The following LINC00237 variants were observed in gnomAD, a reference collection of about 807,000 sequenced individuals.
The protein encoded by LINC00237 is long intergenic non-protein coding RNA 237.
At chr20:21,091,969 G>A (rs2030799297) in intron 2 of LINC00237, among the ~76,000 whole-genome samples, 1 of 152,070 alleles carries the variant, frequency 6.6e-6, no homozygotes, top group Non-Finnish European at 1.5e-5. Context: ...TGAGAGAGGA[G>A]TTTTGTAAAG....
chr20:21,102,067 G>A (rs1333811667), intron 1 of LINC00237, among the ~76,000 whole-genome samples: 1 of 152,256 alleles, frequency 6.6e-6, no homozygotes, highest in Non-Finnish European at 1.5e-5. Flanking sequence ...CCCAGGCCTG[G>A]AGGGCAGTGC....
intron 1 of LINC00237, among the ~76,000 whole-genome samples, chr20:21,104,623 C>A (rs916719076): frequency 6.6e-6 from 1 of 152,230 alleles, no homozygotes; most frequent in Non-Finnish European, 1.5e-5. Flanking sequence ...TGCCCCCCAC[C>A]CTCCAACCCC....
chr20:21,100,276 G>C (rs1310618137), intron 1 of LINC00237, among the ~76,000 whole-genome samples: 2 of 152,222 alleles, frequency 1.3e-5, no homozygotes, highest in Non-Finnish European at 2.9e-5. Context: ...CTGTTGGTTT[G>C]ACTGTACACC....
At position 21,101,267 on chromosome 20, in the gene LINC00237, G is replaced by A. The variant is rs984893408; in HGVS notation, n.88+5004C>T. 6.6e-6 allele frequency: 1 copy of A among 152,230 alleles called. No individual in the cohort carries two copies. Among genetic ancestry groups the A allele is most frequent in the Non-Finnish European group, 1.5e-5 (1 of 68,088 alleles). 9.4% of individuals were successfully genotyped at this position (152,230 alleles called of 1,614,324 possible). A position where few individuals can be genotyped will look rare whatever the true frequency, so the allele number is the denominator to read the frequency against. ...GCGGCGACGTACAGGGAGCGCGAGC[G>A]AGGGAGGGAGCGCCGGCGAGGGAGG... On this transcript the variant is annotated intron_variant and non_coding_transcript_variant, in intron 1 of 3. Coordinates refer to ENST00000691244, the Ensembl canonical transcript of LINC00237. This position sits in a 1 kb window ranked among gnomAD's most constrained non-coding sequence, Gnocchi z 4.3.
intron 1 of LINC00237, among the ~76,000 whole-genome samples, chr20:21,096,001 C>T (rs997627464): frequency 3.9e-5 from 6 of 152,202 alleles, no homozygotes; most frequent in African/African-American, 1.4e-4. Context: ...CAATGGTAAC[C>T]TGCTTTATAA....
intron 2 of LINC00237, among the ~76,000 whole-genome samples, chr20:21,090,911 T>C (rs2030783349): frequency 6.6e-6 from 1 of 152,130 alleles, no homozygotes; most frequent in Non-Finnish European, 1.5e-5. Flanking sequence ...CCGCCAATTA[T>C]GTGTTATCCG....
chr20:21,088,784 A>C (rs1406013550), intron 2 of LINC00237, among the ~76,000 whole-genome samples: 1 of 152,182 alleles, frequency 6.6e-6, no homozygotes, highest in African/African-American at 2.4e-5. Flanking sequence ...TTACAATGTT[A>C]ATAAAATAGA....
intron 1 of LINC00237, among the ~76,000 whole-genome samples, chr20:21,096,626 C>T (rs2030861894): frequency 6.6e-6 from 1 of 152,152 alleles, no homozygotes; most frequent in Non-Finnish European, 1.5e-5. Context: ...GAACTATAAG[C>T]CTTTCTGCAC....
Position 21,086,671 on chromosome 20 carries a change from A to ATG in LINC00237, n.560-784_560-783insCA, listed in dbSNP as rs1568883463. ...ATACTATATATGTATAGTATACTAT[A>ATG]TATAGTATACTACATATACATATGT... On this transcript the variant is annotated intron_variant and non_coding_transcript_variant, in intron 3 of 3. Transcript: ENST00000691244. Among the ~76,000 whole-genome samples the ATG allele has an allele frequency of 5.1e-3, 33 of 6,484 alleles. 2 individuals carry two copies. Among genetic ancestry groups the ATG allele is most frequent in the Admixed American group, 0.021 (7 of 334 alleles). 4.3% of individuals were successfully genotyped at this position (6,484 alleles called of 152,430 possible).
At chr20:21,090,751 T>G (rs2030781086) in intron 2 of LINC00237, among the ~76,000 whole-genome samples, 1 of 152,142 alleles carries the variant, frequency 6.6e-6, no homozygotes, top group Non-Finnish European at 1.5e-5. Context: ...CTCCCTGCTC[T>G]CCATGACTGC....
At chr20:21,100,320 G>T (rs556749980) in intron 1 of LINC00237, among the ~76,000 whole-genome samples, 2 of 152,214 alleles carry the variant, frequency 1.3e-5, no homozygotes, top group African/African-American at 4.8e-5. Context: ...CACGAGCCGG[G>T]ACCAGTAATG....
chr20:21,090,971 A>G (rs964146117), intron 2 of LINC00237, among the ~76,000 whole-genome samples: 2 of 152,040 alleles, frequency 1.3e-5, no homozygotes, highest in African/African-American at 4.8e-5. Context: ...CCTGGCATCA[A>G]CACAGTCCCA....
At chr20:21,100,541 A>G (rs2030917462) in intron 1 of LINC00237, among the ~76,000 whole-genome samples, 1 of 152,226 alleles carries the variant, frequency 6.6e-6, no homozygotes, top group Non-Finnish European at 1.5e-5. Context: ...CTTATTTTTT[A>G]GGAGTTTTAA....
In LINC00237 at chr20:21,101,284, C is replaced by A. The variant is rs974778102; in HGVS notation, n.88+4987G>T. ...GCGCGAGCGAGGGAGGGAGCGCCGG[C>A]GAGGGAGGGAGCGCGGGGGCCGACA... On this transcript the variant is annotated intron_variant and non_coding_transcript_variant, in intron 1 of 3. Transcript: ENST00000691244. The surrounding 1 kb of genome is among the most constrained non-coding windows in gnomAD (Gnocchi z 4.3). 2 of 152,182 alleles carry A rather than the reference C, an allele frequency of 1.3e-5. No individual in the cohort carries two copies. The highest frequency in any genetic ancestry group is 2.9e-5 in the Non-Finnish European group (2 of 68,074). The allele number at this position is 152,182 out of a possible 1,614,324, so 9.4% of individuals were successfully genotyped here.
At chr20:21,086,304 A>G (rs1423135238) in intron 3 of LINC00237, among the ~76,000 whole-genome samples, 1 of 151,990 alleles carries the variant, frequency 6.6e-6, no homozygotes, top group African/African-American at 2.4e-5. Flanking sequence ...CAATATTGCA[A>G]TCAAAATGTA....
chr20:21,099,652 C>A (rs1050555811), intron 1 of LINC00237, among the ~76,000 whole-genome samples: 1 of 152,078 alleles, frequency 6.6e-6, no homozygotes, highest in African/African-American at 2.4e-5. Flanking sequence ...ATGACCCAGG[C>A]GCCCTTCTTT....
chr20:21,089,611 T>C (rs2030765087), intron 2 of LINC00237: 1 of 152,200 alleles, frequency 6.6e-6, no homozygotes, highest in Non-Finnish European at 1.5e-5. Context: ...AAAAATGATT[T>C]TTAAAGCCTC....
chr20:21,093,354 G>A (rs557559580), intron 2 of LINC00237: 2 of 152,294 alleles, frequency 1.3e-5, no homozygotes, highest in African/African-American at 4.8e-5. Context: ...TGCCCCCACT[G>A]GTCAGTAGGA....
At chr20:21,092,299 AC>A (rs2030803648) in intron 2 of LINC00237, among the ~76,000 whole-genome samples, 1 of 152,246 alleles carries the variant, frequency 6.6e-6, no homozygotes, top group African/African-American at 2.4e-5. Context: ...AGGAGTGTTT[AC>A]CAACATTCGT....
Sources: allele counts gnomAD v4.1 joint callset (sites outside exome capture counted in the v4.1 genomes callset), GRCh38; gene constraint gnomAD v4.1.1; non-coding constraint Gnocchi (gnomAD v3.1); transcripts MANE v1.5; gene names NCBI Gene and HGNC (gene_info 2026-07-23, HGNC 2026-07-21).